Variants in RAI2 observed in about 807,000 individuals in gnomAD.
RAI2 encodes the protein retinoic acid induced 2, also known as retinoic acid-induced protein 2.
RAI2 carries 5 observed loss-of-function variants against 15.3 expected under a neutral mutation model. That is an observed-to-expected ratio of 0.33 (90% CI 0.17 to 0.69). The LOEUF is 0.69. Ranked by LOEUF, RAI2 falls within the 30% of genes least tolerant of loss-of-function variation. RAI2 has a pLI of 0.69. For synonymous variants in RAI2, 191 were observed against 184.0 expected (o/e 1.04, Z -0.31); for missense variants, 424 against 424.7 (o/e 1.00, Z 0.01).
At chrX:17,815,756 T>C (rs958786055) in intron 1 of RAI2, among the ~76,000 whole-genome samples, 21 of 111,440 alleles carry the variant, frequency 1.9e-4, no homozygotes, top group African/African-American at 5.9e-4. Flanking sequence ...TTTTTGCCAT[T>C]CCTTTCAATG....
Position 17,800,939 on chromosome X carries a change from CA to C in RAI2, c.1071del (p.Glu358ArgfsTer17). On this transcript the variant is annotated frameshift_variant, in exon 2 of 2. Transcript: ENST00000451717. LOFTEE classifies it high-confidence loss of function. ...VAAHRKSEPPPETLYDSGASV... is the reference protein window; with the variant it reads ...VAAHRKSEPPXETLYDSGASV... ...GATGCACCACTGTCATACAGTGTCT[CA>C]GGGGGAGGCTCGGATTTCCGGTGGG... The C allele has an allele frequency of 1.7e-6, 2 of 1,210,930 alleles. No homozygotes were observed. The highest frequency in any genetic ancestry group is 2.2e-6 in the Non-Finnish European group (2 of 895,022).
chrX:17,835,419 A>G (rs1044514093), intron 1 of RAI2, among the ~76,000 whole-genome samples: 3 of 111,941 alleles, frequency 2.7e-5, no homozygotes, highest in Non-Finnish European at 3.8e-5. Context: ...AACCAAAACC[A>G]TACTCCTCCC....
In RAI2 at chrX:17,822,710, T is replaced by C. The variant is rs1042480078; in HGVS notation, c.-24-20676A>G. On this transcript the variant is annotated intron_variant, in intron 1 of 1. Transcript: ENST00000451717. Reference sequence around the variant, plus strand: ...GCTAGGCTTTTCTCAGTCTCTCCTTTTTCTTATGAGGACAATTCTAAAAGT... The same window carrying C: ...GCTAGGCTTTTCTCAGTCTCTCCTTCTTCTTATGAGGACAATTCTAAAAGT... 3.6e-5 allele frequency among the ~76,000 whole-genome samples: 4 copies of C among 112,662 alleles called. No individual in the cohort carries two copies. The South Asian group carries it at 1.5e-3, about 42-fold the overall frequency.
At position 17,859,644 on chromosome X, in the gene RAI2, A is replaced by G. The variant is rs762607992; in HGVS notation, c.-25+1454T>C. Reference sequence around the variant, plus strand: ...CTTATCCTCAGCAAAATATTTACACATCCTTAAAAACGCCAGATGAGGGGG... The same window carrying G: ...CTTATCCTCAGCAAAATATTTACACGTCCTTAAAAACGCCAGATGAGGGGG... On this transcript the variant is annotated intron_variant, in intron 1 of 1. Transcript: ENST00000451717. 8.0e-5 allele frequency among the ~76,000 whole-genome samples: 9 copies of G among 112,562 alleles called. No individual in the cohort carries two copies. The East Asian group carries it at 2.5e-3, about 32-fold the overall frequency.
chrX:17,823,489 C>G (rs1444341553), intron 1 of RAI2, among the ~76,000 whole-genome samples: 4 of 111,782 alleles, frequency 3.6e-5, no homozygotes, highest in African/African-American at 1.3e-4. Flanking sequence ...CCATGGCCCA[C>G]AGTAGGCAAG....
intron 1 of RAI2, among the ~76,000 whole-genome samples, chrX:17,806,844 C>G (rs1333101674): frequency 9.0e-6 from 1 of 110,806 alleles, no homozygotes; most frequent in Non-Finnish European, 1.9e-5. Flanking sequence ...AGCACATCTT[C>G]ACGTGGCCGG....
intron 1 of RAI2, among the ~76,000 whole-genome samples, chrX:17,851,573 G>A (rs73447873): frequency 0.02 from 2,219 of 111,462 alleles, 57 homozygotes; most frequent in African/African-American, 0.067. Context: ...GAAATTCATC[G>A]GCACAGGCTC....
chrX:17,847,833 C>T (rs1484007231), intron 1 of RAI2, among the ~76,000 whole-genome samples: 2 of 112,171 alleles, frequency 1.8e-5, no homozygotes, highest in Admixed American at 9.4e-5. Flanking sequence ...TAGAGGAAAG[C>T]AGGCCTCAGC....
intron 1 of RAI2, among the ~76,000 whole-genome samples, chrX:17,839,065 C>T (rs544461850): frequency 8.9e-6 from 1 of 111,989 alleles, no homozygotes; most frequent in Non-Finnish European, 1.9e-5. Context: ...CCAGAAACAT[C>T]CCTCATGGAC....
intron 1 of RAI2, among the ~76,000 whole-genome samples, chrX:17,860,090 GC>G (rs2067668245): frequency 9.0e-6 from 1 of 111,350 alleles, no homozygotes; most frequent in Non-Finnish European, 1.9e-5. Context: ...CTCCTCCAAA[GC>G]CACCTTCTTC....
At chrX:17,810,166 C>A (rs2147220067) in intron 1 of RAI2, among the ~76,000 whole-genome samples, 1 of 111,401 alleles carries the variant, frequency 9.0e-6, no homozygotes, top group Non-Finnish European at 1.9e-5. Flanking sequence ...ACTCCCAGAC[C>A]CGTTCTCCTT....
At chrX:17,802,467 T>C (rs1221946618) in intron 1 of RAI2, among the ~76,000 whole-genome samples, 1 of 112,497 alleles carries the variant, frequency 8.9e-6, no homozygotes, top group Admixed American at 9.4e-5. Context: ...AAAAAAATAA[T>C]GCCTTGTCAC....
chrX:17,858,129 T>C (rs1011617852), intron 1 of RAI2, among the ~76,000 whole-genome samples: 1 of 111,709 alleles, frequency 9.0e-6, no homozygotes, highest in Non-Finnish European at 1.9e-5. Flanking sequence ...GGAAAGATTA[T>C]TCCCATCTTG....
intron 1 of RAI2, among the ~76,000 whole-genome samples, chrX:17,804,221 A>G (rs1056185399): frequency 8.9e-6 from 1 of 111,748 alleles, no homozygotes; most frequent in Non-Finnish European, 1.9e-5. Context: ...CGGCTTCCCA[A>G]GTGCTGGGAT....
chrX:17,852,422 C>G (rs1260507419), intron 1 of RAI2, among the ~76,000 whole-genome samples: 1 of 112,164 alleles, frequency 8.9e-6, no homozygotes, highest in Non-Finnish European at 1.9e-5. Flanking sequence ...CCTATGTTGA[C>G]TTCTGCACTG....
chrX:17,850,459 G>A (rs930626095), intron 1 of RAI2, among the ~76,000 whole-genome samples: 1 of 112,681 alleles, frequency 8.9e-6, no homozygotes, highest in Non-Finnish European at 1.9e-5. Context: ...GAGGCTGCAC[G>A]CTTGTGCGTT....
intron 1 of RAI2, among the ~76,000 whole-genome samples, chrX:17,810,680 G>A (rs1281036899): frequency 8.9e-6 from 1 of 111,884 alleles, no homozygotes; most frequent in Non-Finnish European, 1.9e-5. Flanking sequence ...CACCAAGGAG[G>A]AATTGGAGGG....
intron 1 of RAI2, among the ~76,000 whole-genome samples, chrX:17,846,593 C>CA (rs1475538087): frequency 1.8e-5 from 2 of 111,999 alleles, no homozygotes; most frequent in Non-Finnish European, 3.8e-5. Context: ...TCTTCTGACC[C>CA]ATCAATTTGT....
intron 1 of RAI2, among the ~76,000 whole-genome samples, chrX:17,838,043 T>C (rs1310110498): frequency 8.9e-6 from 1 of 112,342 alleles, no homozygotes; most frequent in Non-Finnish European, 1.9e-5. Context: ...ATGAATCTCA[T>C]AAGCATTATG....
Sources: allele counts gnomAD v4.1 joint callset (sites outside exome capture counted in the v4.1 genomes callset), GRCh38; gene constraint gnomAD v4.1.1; transcripts MANE v1.5; gene names NCBI Gene and HGNC (gene_info 2026-07-23, HGNC 2026-07-21).